Variants in SIK3 observed in about 807,000 individuals in gnomAD.
SIK3 encodes serine/threonine-protein kinase SIK3.
A neutral mutation model predicts 144.2 loss-of-function variants in SIK3; 28 were observed. That is an observed-to-expected ratio of 0.19 (90% CI 0.14 to 0.27). SIK3 has a LOEUF of 0.27. Among genes scored for constraint, SIK3 ranks in the 10% least tolerant of loss-of-function variants. The pLI is 1.00. For synonymous variants in SIK3, 686 were observed against 676.3 expected, an observed-to-expected ratio of 1.01 and a Z score of -0.22; for missense variants, 1,319 against 1,776.0, an observed-to-expected ratio of 0.74 and a Z score of 4.62.
intron 1 of SIK3, among the ~76,000 whole-genome samples, chr11:117,025,727 C>T (rs530046459): frequency 1.3e-5 from 2 of 152,216 alleles, no homozygotes; most frequent in South Asian, 4.2e-4. Context: ...CCACCACACC[C>T]AGCCTATACT....
At chr11:117,028,061 T>G (rs1952096247) in intron 1 of SIK3, among the ~76,000 whole-genome samples, 1 of 152,166 alleles carries the variant, frequency 6.6e-6, no homozygotes. Flanking sequence ...TAAAAGCACT[T>G]TTATTATTAC....
At chr11:116,955,562 A>G (rs1198089459) in intron 2 of SIK3, among the ~76,000 whole-genome samples, 1 of 152,206 alleles carries the variant, frequency 6.6e-6, no homozygotes, top group Non-Finnish European at 1.5e-5. Flanking sequence ...TTCAGTTACA[A>G]GGGTAATAGC....
chr11:116,957,126 T>A (rs1169025628), intron 1 of SIK3, 62 bp from the exon 2 acceptor site: 16 of 830,058 alleles, frequency 1.9e-5, no homozygotes, highest in Non-Finnish European at 2.8e-5. Context: ...CTAAGAAAAA[T>A]TAGGTTCACT....
rs1235671183 is a variant in SIK3 at position 116,922,900 on chromosome 11, CTTTTCTCTTTTTT to C, written c.616+4306_616+4318del. 2.0e-3 allele frequency among the ~76,000 whole-genome samples: 252 copies of C among 123,134 alleles called. 2 individuals carry two copies. The highest frequency in any genetic ancestry group is 3.0e-3 in the Non-Finnish European group (174 of 58,328). 80.8% of individuals were successfully genotyped at this position (123,134 alleles called of 152,430 possible). A position where few individuals can be genotyped will look rare whatever the true frequency, so the allele number is the denominator to read the frequency against. On this transcript the variant is annotated intron_variant, in intron 4 of 24. Transcript: ENST00000445177. The stretch of plus-strand genomic sequence containing the variant: ...CTGCTTACGACTAATTTCTCCTTTT[CTTTTCTCTTTTTT>C]TTTTTTTTTTTTTTTTTTTTTGAGA...
chr11:116,915,664 T>C lies in SIK3; in HGVS notation c.616+11555A>G, dbSNP rs115250927. Among the ~76,000 whole-genome samples the C allele has an allele frequency of 7.0e-3, 1,064 of 152,300 alleles. 12 individuals carry two copies. The highest frequency in any genetic ancestry group is 0.024 in the African/African-American group (990 of 41,548). On this transcript the variant is annotated intron_variant, in intron 4 of 24. Coordinates refer to ENST00000445177, the MANE Select transcript of SIK3 (RefSeq NM_001366686.3). ...TGTATGTAATGTAACATTTTTAAAC[T>C]TTGTTTCTTGAGGCCCTAGAAACAA...
rs1218879079 is a variant in SIK3, at chr11:116,867,356, A to G, written c.1952+590T>C. Among the ~76,000 whole-genome samples the G allele has an allele frequency of 1.3e-5, 2 of 152,238 alleles. No individual in the cohort carries two copies. Among genetic ancestry groups the G allele is most frequent in the African/African-American group, 4.8e-5 (2 of 41,474 alleles). Reference sequence around the variant, plus strand: ...TGAAGTTTTCTTGGTCAGGAAGGTTAAACTTGCTTTTATTTCTTCAAGAGA... The same window carrying G: ...TGAAGTTTTCTTGGTCAGGAAGGTTGAACTTGCTTTTATTTCTTCAAGAGA... On this transcript the variant is annotated intron_variant, in intron 15 of 24. Transcript: ENST00000445177. The surrounding 1 kb of genome is among the most constrained non-coding windows in gnomAD (Gnocchi z 4.1).
Position 116,940,986 on chromosome 11 carries a change from T to TTTTG in SIK3, c.454+13054_454+13057dup, listed in dbSNP as rs139127609. Among the ~76,000 whole-genome samples the TTTTG allele has an allele frequency of 1.8e-3, 270 of 151,786 alleles. 1 individual carries two copies. Among genetic ancestry groups the TTTTG allele is most frequent in the African/African-American group, 2.4e-3 (99 of 41,352 alleles). ...GGAGACCCTTAGAAAATAGCTAAGT[T>TTTTG]TTTGTTTGTTTGTTTGTTTGTTTTG... is the stretch of plus-strand genomic sequence containing the variant. On this transcript the variant is annotated intron_variant, in intron 3 of 24. Coordinates refer to ENST00000445177, the MANE Select transcript of SIK3 (RefSeq NM_001366686.3).
intron 6 of SIK3, among the ~76,000 whole-genome samples, chr11:116,881,373 G>A (rs956480695): frequency 1.3e-5 from 2 of 152,094 alleles, no homozygotes; most frequent in African/African-American, 4.8e-5. Flanking sequence ...AACCTGATCT[G>A]CCAACAGAAC....
intron 1 of SIK3, among the ~76,000 whole-genome samples, chr11:117,089,335 A>C (rs1459184676): frequency 2.7e-5 from 4 of 149,946 alleles, no homozygotes. Context: ...TGAACCCGAG[A>C]GGTGGAGCTT....
At chr11:116,941,272 C>T (rs1290057519) in intron 3 of SIK3, among the ~76,000 whole-genome samples, 1 of 152,142 alleles carries the variant, frequency 6.6e-6, no homozygotes, top group Non-Finnish European at 1.5e-5. Flanking sequence ...TCCCAAAGTG[C>T]TGGGATTACA....
chr11:116,933,654 C>CTT (rs1441738736), intron 3 of SIK3, among the ~76,000 whole-genome samples: 5 of 152,070 alleles, frequency 3.3e-5, no homozygotes, highest in Non-Finnish European at 7.4e-5. Flanking sequence ...CTCTCTCTCT[C>CTT]TCAAGAGACA....
intron 1 of SIK3, among the ~76,000 whole-genome samples, chr11:117,089,999 G>C (rs912907523): frequency 6.6e-6 from 1 of 152,210 alleles, no homozygotes; most frequent in Non-Finnish European, 1.5e-5. Context: ...ATAACTTACT[G>C]ATGGCTCATC....
chr11:116,925,804 A>G (rs2135118478), intron 4 of SIK3, among the ~76,000 whole-genome samples: 1 of 152,350 alleles, frequency 6.6e-6, no homozygotes, highest in African/African-American at 2.4e-5. Context: ...TTTGGAGAAA[A>G]TAAAACCGAC....
chr11:116,995,116 A>G (rs1377468602), intron 1 of SIK3, among the ~76,000 whole-genome samples: 2 of 151,826 alleles, frequency 1.3e-5, no homozygotes, highest in Non-Finnish European at 2.9e-5. Context: ...AAAATACAAA[A>G]ATTAGCTGGG....
At chr11:117,062,142 T>C (rs553812367) in intron 1 of SIK3, among the ~76,000 whole-genome samples, 31 of 152,142 alleles carry the variant, frequency 2.0e-4, no homozygotes, top group African/African-American at 7.5e-4. Flanking sequence ...CTGGCCAACA[T>C]GGTGAAACCC....
At chr11:116,962,154 T>G (rs574003237) in intron 1 of SIK3, among the ~76,000 whole-genome samples, 1 of 152,276 alleles carries the variant, frequency 6.6e-6, no homozygotes, top group Non-Finnish European at 1.5e-5. Context: ...TAAAAGACAA[T>G]GAACTAAGGG....
At chr11:117,073,996 G>A (rs1531707) in intron 1 of SIK3, among the ~76,000 whole-genome samples, 59,591 of 151,958 alleles carry the variant, frequency 0.39, 14,807 homozygotes, top group African/African-American at 0.71. Flanking sequence ...ATTCACTGCA[G>A]CCCTGAACTC....
At chr11:117,093,637 TCA>T (rs1436589942) in intron 1 of SIK3, among the ~76,000 whole-genome samples, 2 of 151,130 alleles carry the variant, frequency 1.3e-5, no homozygotes, top group African/African-American at 2.4e-5. Flanking sequence ...CCAGTGTTGG[TCA>T]CAGTTTTCAT....
chr11:116,859,247 G>T lies in SIK3; in HGVS notation c.2765+18C>A. 1 of 1,583,190 alleles carries T rather than the reference G, an allele frequency of 6.3e-7. No homozygotes were observed. The highest frequency in any genetic ancestry group is 1.1e-5 in the South Asian group (1 of 87,360). On this transcript the variant is annotated intron_variant, in intron 20 of 24. Coordinates refer to ENST00000445177, the MANE Select transcript of SIK3 (RefSeq NM_001366686.3). ...GGATCCCATGCATAGATGGCTGGGTGACGTTAGGCGGTCTTACCTGTGAGC... is the reference window on the plus strand; with the variant it reads ...GGATCCCATGCATAGATGGCTGGGTTACGTTAGGCGGTCTTACCTGTGAGC...
Sources: gnomAD v4.1 joint callset for allele counts (sites outside exome capture counted in the v4.1 genomes callset) on GRCh38, gnomAD v4.1.1 for gene constraint, Gnocchi (gnomAD v3.1) non-coding constraint, MANE v1.5 for transcripts, NCBI Gene and HGNC (gene_info 2026-07-23, HGNC 2026-07-21) for gene names.